PHF21A: variants seen among roughly 807,000 people sequenced by gnomAD.
PHF21A encodes BHC80a.
PHF21A carries 11 observed loss-of-function variants against 82.5 expected under a neutral mutation model. The observed-to-expected ratio is 0.13, with a 90% confidence interval of 0.08 to 0.22. The LOEUF is 0.22. PHF21A is among the 10% of genes least tolerant of loss of function. The pLI, the probability that PHF21A is intolerant of heterozygous loss-of-function variation, is 1.00. For missense variants in PHF21A, 579 were observed against 837.8 expected, an observed-to-expected ratio of 0.69 and a Z score of 3.81; for synonymous variants, 297 against 302.8, an observed-to-expected ratio of 0.98 and a Z score of 0.20.
rs35389845 is a variant in PHF21A, at chr11:45,963,420, CAAAAAAA to C, written c.996+1888_996+1894del. Among the ~76,000 whole-genome samples the C allele has an allele frequency of 3.3e-5, 3 of 89,950 alleles. No individual in the cohort carries two copies. In the South Asian group the frequency reaches 1.1e-3, roughly 31 times the overall value. The allele number at this position is 89,950 out of a possible 152,430, so 59.0% of individuals were successfully genotyped here. On this transcript the variant is annotated intron_variant, in intron 10 of 18. Transcript: ENST00000676320. ...GGGTGACAAGAGTAAAACTCTGTGT[CAAAAAAA>C]AAAAAAAAAAAGAAAAGAAAAAAAA...
intron 1 of PHF21A, among the ~76,000 whole-genome samples, chr11:46,115,257 T>C (rs933089069): frequency 1.3e-5 from 2 of 152,184 alleles, no homozygotes; most frequent in African/African-American, 4.8e-5. Flanking sequence ...GAACCTCACA[T>C]ATAATTTCTA....
intron 6 of PHF21A, among the ~76,000 whole-genome samples, chr11:46,069,566 T>TATA (rs1172781809): frequency 2.0e-5 from 3 of 152,228 alleles, no homozygotes; most frequent in African/African-American, 7.2e-5. Context: ...ACTTACTTAT[T>TATA]TGACTCCAAG....
chr11:46,117,408 C>T (rs532290289), intron 1 of PHF21A: 1 of 152,320 alleles, frequency 6.6e-6, no homozygotes, highest in Admixed American at 6.5e-5. Context: ...GTTACTGTTA[C>T]ATCAACAATG....
intron 1 of PHF21A, among the ~76,000 whole-genome samples, chr11:46,098,201 G>A (rs11038764): frequency 0.029 from 4,454 of 152,290 alleles, 77 homozygotes; most frequent in African/African-American, 0.045. Context: ...CAAAGATTTA[G>A]ACTGTACATA....
intron 6 of PHF21A, among the ~76,000 whole-genome samples, chr11:46,064,475 C>T (rs2096571641): frequency 1.3e-5 from 2 of 152,168 alleles, no homozygotes; most frequent in Admixed American, 6.5e-5. Flanking sequence ...TGCTGATTCA[C>T]ACAAACATTT....
chr11:46,044,943 T>C (rs1000843910), intron 6 of PHF21A, among the ~76,000 whole-genome samples: 1 of 152,230 alleles, frequency 6.6e-6, no homozygotes, highest in African/African-American at 2.4e-5. Context: ...AAAGCAAGTC[T>C]AGTTCTAGGC....
At chr11:45,965,263 A>G (rs2093362879) in intron 10 of PHF21A, 52 bp downstream of exon 10, 1 of 1,500,742 alleles carries the variant, frequency 6.7e-7, no homozygotes, top group Non-Finnish European at 9.2e-7. Context: ...CAGCAGCCAT[A>G]TGCCTCAACG....
chr11:45,975,319 A>C lies in PHF21A; in HGVS notation c.361-3952T>G, dbSNP rs181888920. ...ACACAGTGAGACCCTGTCTCAAAGA[A>C]AACAAAATAAAATAAAATAAAATAA... On this transcript the variant is annotated intron_variant, in intron 7 of 18. Transcript: ENST00000676320. Among the ~76,000 whole-genome samples the C allele has an allele frequency of 6.2e-3, 913 of 146,966 alleles. 4 individuals are homozygous for C. The highest frequency in any genetic ancestry group is 0.01 in the Non-Finnish European group (706 of 67,344).
At chr11:46,049,440 T>C (rs1365205005) in intron 6 of PHF21A, 2 of 456,132 alleles carry the variant, frequency 4.4e-6, no homozygotes, top group African/African-American at 4.0e-5. Flanking sequence ...ACACAGTGTA[T>C]TCCTGTACAG....
chr11:46,049,801 T>C (rs1283860798), intron 6 of PHF21A, among the ~76,000 whole-genome samples: 1 of 152,192 alleles, frequency 6.6e-6, no homozygotes, highest in Non-Finnish European at 1.5e-5. Context: ...AATAGCAAAC[T>C]GCTGTCTATA....
chr11:45,933,950 T>A lies in PHF21A; in HGVS notation c.*18A>T. ...TCCTTGCCGCCGGGATCCCGTGGCTTCTCCTAGAGGGGCTCTGTTATTTAG... is the reference window on the plus strand; with the variant it reads ...TCCTTGCCGCCGGGATCCCGTGGCTACTCCTAGAGGGGCTCTGTTATTTAG... On this transcript the variant is annotated 3_prime_UTR_variant, in exon 19 of 19. Transcript: ENST00000676320. 1 of 1,488,016 alleles carries A rather than the reference T, an allele frequency of 6.7e-7. No homozygotes were observed. Among genetic ancestry groups the A allele is most frequent in the Non-Finnish European group, 8.9e-7 (1 of 1,118,112 alleles). 92.2% of individuals were successfully genotyped at this position (1,488,016 alleles called of 1,614,324 possible).
intron 1 of PHF21A, among the ~76,000 whole-genome samples, chr11:46,109,866 A>G (rs1395836552): frequency 1.3e-5 from 2 of 151,900 alleles, no homozygotes; most frequent in Non-Finnish European, 2.9e-5. Context: ...TGTAGTCCCA[A>G]CTACTCGGGA....
chr11:45,967,091 G>A (rs894450096), intron 9 of PHF21A, among the ~76,000 whole-genome samples: 3 of 152,070 alleles, frequency 2.0e-5, no homozygotes, highest in African/African-American at 4.8e-5. Context: ...TTTCCTGGCC[G>A]GGCACAGTGG....
intron 1 of PHF21A, among the ~76,000 whole-genome samples, chr11:46,115,302 T>C (rs941639104): frequency 6.6e-6 from 1 of 152,180 alleles, no homozygotes; most frequent in Admixed American, 6.5e-5. Context: ...ATTTTAAGAC[T>C]GAATTGAGGG....
At chr11:46,031,927 T>A (rs1356128041) in intron 6 of PHF21A, among the ~76,000 whole-genome samples, 1 of 152,186 alleles carries the variant, frequency 6.6e-6, no homozygotes, top group Non-Finnish European at 1.5e-5. Context: ...TGGATTGGAT[T>A]GGGCCACACA....
intron 6 of PHF21A, among the ~76,000 whole-genome samples, chr11:45,992,295 G>T (rs1408711444): frequency 6.6e-6 from 1 of 151,962 alleles, no homozygotes; most frequent in African/African-American, 2.4e-5. Flanking sequence ...CACTTTGGGA[G>T]GCTGAGGCGG....
chr11:46,003,849 T>A (rs779629794), intron 6 of PHF21A, among the ~76,000 whole-genome samples: 2 of 152,214 alleles, frequency 1.3e-5, no homozygotes, highest in Non-Finnish European at 2.9e-5. Flanking sequence ...TTTTTGAGTG[T>A]TGCAACCTAA....
At chr11:46,002,238 C>T (rs2095155560) in intron 6 of PHF21A, among the ~76,000 whole-genome samples, 1 of 152,136 alleles carries the variant, frequency 6.6e-6, no homozygotes, top group Admixed American at 6.5e-5. Flanking sequence ...GCACACTGGG[C>T]TAGGTTTTAA....
chr11:46,108,567 G>GTGTA (rs1555199216), intron 1 of PHF21A, among the ~76,000 whole-genome samples: 48 of 62,230 alleles, frequency 7.7e-4, no homozygotes, highest in South Asian at 1.6e-3. Context: ...GTGTGTGTGT[G>GTGTA]TATATATATA....
Sources: allele counts gnomAD v4.1 joint callset (sites outside exome capture counted in the v4.1 genomes callset), GRCh38; gene constraint gnomAD v4.1.1; transcripts MANE v1.5; gene names NCBI Gene and HGNC (gene_info 2026-07-23, HGNC 2026-07-21).